Variants in KIAA0930 observed in about 807,000 individuals in gnomAD.
KIAA0930 encodes the protein uncharacterized protein KIAA0930.
Under a neutral mutation model 43.9 loss-of-function variants are expected in KIAA0930, and 24 were observed. The observed-to-expected ratio is 0.55, with a 90% CI of 0.40 to 0.77. The LOEUF (loss-of-function observed/expected upper bound fraction) is 0.77. Among genes scored for constraint, KIAA0930 ranks in the 30% least tolerant of loss-of-function variants. KIAA0930 has a pLI of 0.00. For synonymous variants in KIAA0930, 259 were observed against 216.4 expected (o/e 1.20, Z -1.73); for missense variants, 461 against 574.2 (o/e 0.80, Z 2.02).
intron 2 of KIAA0930, 50 bp downstream of exon 2, chr22:45,211,906 C>T: frequency 6.3e-7 from 1 of 1,584,224 alleles, no homozygotes; most frequent in Non-Finnish European, 8.6e-7. Context: ...GCAGACACCA[C>T]AGGGATGCTT....
At chr22:45,205,352 C>T in intron 4 of KIAA0930, 34 bp from the exon 5 acceptor site, 2 of 1,570,128 alleles carry the variant, frequency 1.3e-6, no homozygotes, top group Middle Eastern at 1.7e-4. Flanking sequence ...ACAAGTGAGG[C>T]CCCACCCGGC....
intron 1 of KIAA0930, among the ~76,000 whole-genome samples, chr22:45,227,074 A>C (rs947763801): frequency 6.6e-6 from 1 of 152,204 alleles, no homozygotes; most frequent in Non-Finnish European, 1.5e-5. Flanking sequence ...CTGAGCCAGG[A>C]GCCAGGCACA....
At position 45,196,934 on chromosome 22, in the gene KIAA0930, G is replaced by A; in HGVS notation, c.*242C>T. ...GGGTGCAGAGGGCTCTCCAGAGATG[G>A]GTGGGGGGCGATGGGCGGGGGGCAC... On this transcript the variant is annotated 3_prime_UTR_variant, in exon 10 of 10. Transcript: ENST00000336156. This position sits in a 1 kb window ranked among gnomAD's most constrained non-coding sequence, Gnocchi z 4.1. 1 of 493,854 alleles carries A rather than the reference G, an allele frequency of 2.0e-6. No homozygotes were observed. The allele number at this position is 493,854 out of a possible 1,614,324, so 30.6% of individuals were successfully genotyped here. A position where few individuals can be genotyped will look rare whatever the true frequency, so the allele number is the denominator to read the frequency against.
chr22:45,213,541 G>A lies in KIAA0930; in HGVS notation c.65-1434C>T, dbSNP rs184770359. 257 of 1,161,134 alleles carry A rather than the reference G, an allele frequency of 2.2e-4. No homozygotes were observed. In the African/African-American group the frequency reaches 2.5e-3, roughly 11 times the overall value. 71.9% of individuals were successfully genotyped at this position (1,161,134 alleles called of 1,614,324 possible). ...AGAGTCGCTTTGAAATTCCTGCCGC[G>A]TTTTTGCAACAGGCAAAGCCCAAGT... On this transcript the variant is annotated intron_variant, in intron 1 of 9. Coordinates refer to ENST00000336156, the MANE Select transcript of KIAA0930 (RefSeq NM_001009880.2).
At position 45,199,901 on chromosome 22, in the gene KIAA0930, C is replaced by G. The variant is rs750925364; in HGVS notation, c.987G>C (p.Glu329Asp). ...CACCGTCGTCCTCCCGGAAGAACTC[C>G]TCGCTGTCGTTGGCCGAGTGCGACT... ...MKKSHSANDS[E>D]EFFREDDGGA... The change falls in exon 8 of 10, where the codon GAG (glutamate) becomes GAC (aspartate). Residue 329 changes from glutamate to aspartate, a missense_variant. Coordinates refer to ENST00000336156, the MANE Select transcript of KIAA0930 (RefSeq NM_001009880.2). 3 of 1,596,962 alleles carry G rather than the reference C, an allele frequency of 1.9e-6. No individual in the cohort carries two copies. Among genetic ancestry groups the G allele is most frequent in the Middle Eastern group, 1.7e-4 (1 of 6,018 alleles).
chr22:45,227,376 A>C (rs896335090), intron 1 of KIAA0930, among the ~76,000 whole-genome samples: 19 of 152,164 alleles, frequency 1.2e-4, no homozygotes, highest in African/African-American at 4.6e-4. Flanking sequence ...TGCATTGTGA[A>C]AACCAGGGGG....
chr22:45,198,355 C>T (rs7287577), intron 8 of KIAA0930, among the ~76,000 whole-genome samples: 20 of 152,316 alleles, frequency 1.3e-4, no homozygotes, highest in African/African-American at 4.1e-4. Context: ...CCCAGTCCTG[C>T]GGTCCAGGCT....
Position 45,203,966 on chromosome 22 carries a change from A to G in KIAA0930, c.536T>C (p.Val179Ala), listed in dbSNP as rs746576663. 43 of 1,613,824 alleles carry G rather than the reference A, an allele frequency of 2.7e-5. No individual in the cohort carries two copies. Among genetic ancestry groups the G allele is most frequent in the Admixed American group, 8.3e-5 (5 of 59,982 alleles). ...CACACAGACCATCTCTCCTTCCCCTACGGTCATGTCGCTGAACACCTGGGC... is the reference window on the plus strand; with the variant it reads ...CACACAGACCATCTCTCCTTCCCCTGCGGTCATGTCGCTGAACACCTGGGC... The part of the protein sequence containing the change: ...SFEEVFSDMT[V>A]GEGEMVCVEL... The change falls in exon 6 of 10, where the codon GTA becomes GCA. Residue 179 changes from valine (V) to alanine (A), a missense_variant. By Grantham distance (64) the Val-to-Ala change is moderately conservative (BLOSUM62 0). Transcript: ENST00000336156.
At chr22:45,216,735 C>T (rs923242956) in intron 1 of KIAA0930, among the ~76,000 whole-genome samples, 5 of 152,064 alleles carry the variant, frequency 3.3e-5, no homozygotes, top group East Asian at 1.9e-4. Context: ...TTCTCCCTAC[C>T]GTCTTGCCAG....
At chr22:45,200,761 TCA>T (rs1168301669) in intron 7 of KIAA0930, among the ~76,000 whole-genome samples, 2 of 152,184 alleles carry the variant, frequency 1.3e-5, no homozygotes, top group African/African-American at 4.8e-5. Context: ...CTCAAGGAGC[TCA>T]CAGTCTGCTG....
intron 4 of KIAA0930, 117 bp downstream of exon 4, chr22:45,205,513 T>C (rs910747657): frequency 9.6e-7 from 1 of 1,037,694 alleles, no homozygotes; most frequent in African/African-American, 1.6e-5. Flanking sequence ...AGCAGATTTC[T>C]GGAGTCAGAC....
At position 45,204,069 on chromosome 22, in the gene KIAA0930, C is replaced by T. The variant is rs1049671528; in HGVS notation, c.517-84G>A. 4 of 1,577,228 alleles carry T rather than the reference C, an allele frequency of 2.5e-6. No homozygotes were observed. In the African/African-American group the frequency reaches 5.4e-5, roughly 21 times the overall value. ...AGCCTGGCCCAACTGGCAGGGAGGG[C>T]TGCTCAGAAAACCCCATTTTGCAGG... On this transcript the variant is annotated intron_variant, in intron 5 of 9. Coordinates refer to ENST00000336156, the MANE Select transcript of KIAA0930 (RefSeq NM_001009880.2).
At chr22:45,227,066 G>A (rs991868703) in intron 1 of KIAA0930, among the ~76,000 whole-genome samples, 1 of 152,068 alleles carries the variant, frequency 6.6e-6, no homozygotes, top group Non-Finnish European at 1.5e-5. Context: ...CCCGGGCCCT[G>A]AGCCAGGAGC....
chr22:45,219,679 T>C (rs991925002), intron 1 of KIAA0930, among the ~76,000 whole-genome samples: 1 of 146,702 alleles, frequency 6.8e-6, no homozygotes, highest in African/African-American at 2.5e-5. Flanking sequence ...GCAACCTCCA[T>C]TTCCTGGGCT....
In KIAA0930 at chr22:45,212,010, A is replaced by ATT; in HGVS notation, c.161_162insAA (p.Tyr54Ter). The change falls in exon 2 of 10, where the codon TAT becomes TAAAT. Residue 54 changes from tyrosine to a stop codon, truncating the protein, a stop_gained and frameshift_variant. Transcript: ENST00000336156. LOFTEE classifies it high-confidence loss of function. Reference protein sequence around the residue: ...WAPRQDDMLFYVRRKLAYSGS... With the variant: ...WAPRQDDMLF ...CGGAGTACGCCAGCTTCCGGCGCAC[A>ATT]TAGAAAAGCATGTCGTCCTGCCGGG... The ATT allele has an allele frequency of 3.1e-6, 5 of 1,613,720 alleles. No homozygotes were observed. Among genetic ancestry groups the ATT allele is most frequent in the Non-Finnish European group, 4.2e-6 (5 of 1,180,024 alleles).
At chr22:45,198,647 C>A (rs1017779232) in intron 8 of KIAA0930, among the ~76,000 whole-genome samples, 1 of 152,146 alleles carries the variant, frequency 6.6e-6, no homozygotes, top group East Asian at 1.9e-4. Flanking sequence ...GAATCCTTCA[C>A]GTCGTTTTTT....
At chr22:45,226,079 G>C (rs973145995) in intron 1 of KIAA0930, 1 of 356,784 alleles carries the variant, frequency 2.8e-6, no homozygotes, top group African/African-American at 2.1e-5. Flanking sequence ...GCCAGTGAAC[G>C]ACAAGAAACA....
chr22:45,233,906 C>T (rs994953124), intron 1 of KIAA0930, among the ~76,000 whole-genome samples: 11 of 152,190 alleles, frequency 7.2e-5, no homozygotes, highest in African/African-American at 2.7e-4. Context: ...CAGGAGGGAT[C>T]AGAGGTCCAG....
In KIAA0930 at chr22:45,194,015, T is replaced by A. The variant is rs1301600630; in HGVS notation, c.*3161A>T. 6.9e-6 allele frequency: 1 copy of A among 145,890 alleles called. No homozygotes were observed. Among genetic ancestry groups the A allele is most frequent in the Non-Finnish European group, 1.5e-5 (1 of 66,344 alleles). 9.0% of individuals were successfully genotyped at this position (145,890 alleles called of 1,614,324 possible). A position where few individuals can be genotyped will look rare whatever the true frequency, so the allele number is the denominator to read the frequency against. The stretch of plus-strand genomic sequence containing the variant: ...ATCCCAAATCCCCTTGAGACCAACA[T>A]GCCTTAAAGGGGGTTTGGGTTTAAA... On this transcript the variant is annotated 3_prime_UTR_variant, in exon 10 of 10. Coordinates refer to ENST00000336156, the MANE Select transcript of KIAA0930 (RefSeq NM_001009880.2).
Sources: allele counts gnomAD v4.1 joint callset (sites outside exome capture counted in the v4.1 genomes callset), GRCh38; gene constraint gnomAD v4.1.1; non-coding constraint Gnocchi (gnomAD v3.1); transcripts MANE v1.5; gene names NCBI Gene and HGNC (gene_info 2026-07-23, HGNC 2026-07-21).